ZNF407: variants seen among roughly 807,000 people sequenced by gnomAD.
ZNF407 encodes the protein zinc finger protein 407.
In ZNF407, 17 loss-of-function variants were observed where a neutral mutation model predicts 131.2. The observed-to-expected ratio is 0.13, with a 90% CI of 0.09 to 0.19. The LOEUF is 0.19. ZNF407 is among the 10% of genes least tolerant of loss of function. The pLI, the probability that ZNF407 is intolerant of heterozygous loss-of-function variation, is 1.00. For missense variants in ZNF407, 2,681 were observed against 2,830.6 expected, an observed-to-expected ratio of 0.95 and a Z score of 1.20; for synonymous variants, 1,156 against 1,062.0, an observed-to-expected ratio of 1.09 and a Z score of -1.72.
intron 7 of ZNF407, among the ~76,000 whole-genome samples, chr18:74,901,649 T>C (rs947593663): frequency 1.3e-5 from 2 of 149,574 alleles, no homozygotes; most frequent in Non-Finnish European, 3.0e-5. Flanking sequence ...GCCTAAGAAA[T>C]ATATGGACAA....
At chr18:75,024,591 A>G (rs79906300) in intron 8 of ZNF407, among the ~76,000 whole-genome samples, 337 of 152,322 alleles carry the variant, frequency 2.2e-3, no homozygotes, top group African/African-American at 7.7e-3. Context: ...TTAAAGGGTG[A>G]TGAATTTAAA....
intron 1 of ZNF407, among the ~76,000 whole-genome samples, chr18:74,612,637 T>A (rs1983113681): frequency 1.3e-5 from 2 of 152,192 alleles, no homozygotes; most frequent in African/African-American, 4.8e-5. Flanking sequence ...ACTGAGCACC[T>A]ACTGTGTGCC....
chr18:74,859,069 G>A (rs1289720356), intron 4 of ZNF407, among the ~76,000 whole-genome samples: 2 of 152,098 alleles, frequency 1.3e-5, no homozygotes, highest in African/African-American at 2.4e-5. Context: ...CGCAGTGTAC[G>A]GTTATGAAGT....
At chr18:74,909,588 A>T (rs1971641488) in intron 7 of ZNF407, among the ~76,000 whole-genome samples, 3 of 152,106 alleles carry the variant, frequency 2.0e-5, no homozygotes, top group Admixed American at 2.0e-4. Context: ...TTAAGTACAC[A>T]TTGTGAGTTT....
intron 1 of ZNF407, among the ~76,000 whole-genome samples, chr18:74,612,531 T>A (rs1015583489): frequency 2.6e-5 from 4 of 152,176 alleles, no homozygotes; most frequent in Non-Finnish European, 5.9e-5. Context: ...CTTGGAGGAA[T>A]GTGATAGAAC....
chr18:74,631,369 T>G lies in ZNF407; in HGVS notation c.350T>G (p.Leu117Arg). The change falls in exon 2 of 9, where the codon CTG becomes CGG. Residue 117 changes from leucine to arginine, a missense_variant. Physicochemically the swap from Leu to Arg is moderately radical, Grantham distance 102. This residue lies in a region of ZNF407 where 1,789 missense variants were observed against 1,748.7 expected (regional missense o/e 1.02). Coordinates refer to ENST00000299687, the MANE Select transcript of ZNF407 (RefSeq NM_017757.3). Reference protein sequence around the residue: ...ALDETGKETFLSDCTVGGTCL... With the variant: ...ALDETGKETFRSDCTVGGTCL... ...GATGAAACAGGGAAGGAGACCTTTC[T>G]GAGTGACTGCACAGTTGGAGGCACA... 1.2e-6 allele frequency: 2 copies of G among 1,614,032 alleles called. No individual in the cohort carries two copies. The highest frequency in any genetic ancestry group is 1.7e-6 in the Non-Finnish European group (2 of 1,179,890).
intron 3 of ZNF407, among the ~76,000 whole-genome samples, chr18:74,768,316 G>A (rs1193948654): frequency 6.6e-6 from 1 of 152,138 alleles, no homozygotes; most frequent in East Asian, 1.9e-4. Context: ...AGACAAGATT[G>A]GAAACAGGTG....
At chr18:74,976,746 G>A (rs1053588868) in intron 8 of ZNF407, among the ~76,000 whole-genome samples, 1 of 152,224 alleles carries the variant, frequency 6.6e-6, no homozygotes. Context: ...TCGGAGCACT[G>A]TGCTTTCACG....
chr18:74,897,280 A>C (rs1971465284), intron 7 of ZNF407, among the ~76,000 whole-genome samples: 1 of 152,230 alleles, frequency 6.6e-6, no homozygotes, highest in South Asian at 2.1e-4. Flanking sequence ...CATGTCTTTA[A>C]AAGAAAAAGA....
At chr18:74,622,288 C>G (rs1490441562) in intron 1 of ZNF407, among the ~76,000 whole-genome samples, 1 of 152,138 alleles carries the variant, frequency 6.6e-6, no homozygotes, top group Non-Finnish European at 1.5e-5. Context: ...ACCATAAGGG[C>G]AAGACACATT....
intron 3 of ZNF407, among the ~76,000 whole-genome samples, chr18:74,673,458 C>G (rs578099967): frequency 6.6e-6 from 1 of 152,162 alleles, no homozygotes; most frequent in Admixed American, 6.5e-5. Context: ...TCATAAGGAC[C>G]CTTGTGATTA....
chr18:74,776,067 T>C (rs537782304), intron 3 of ZNF407, among the ~76,000 whole-genome samples: 1 of 152,250 alleles, frequency 6.6e-6, no homozygotes, highest in South Asian at 2.1e-4. Flanking sequence ...ACCATATCAA[T>C]ACCTAATCCC....
intron 4 of ZNF407, among the ~76,000 whole-genome samples, chr18:74,866,934 G>A (rs1188963256): frequency 7.4e-6 from 1 of 134,534 alleles, no homozygotes; most frequent in Non-Finnish European, 1.5e-5. Context: ...GATCCCTAGA[G>A]CCCCTGTGTT....
At chr18:74,670,052 T>C (rs1052632655) in intron 3 of ZNF407, among the ~76,000 whole-genome samples, 1 of 152,240 alleles carries the variant, frequency 6.6e-6, no homozygotes. Context: ...TAGTCTGACA[T>C]GTAGTCTTTA....
chr18:74,727,562 G>A (rs532038725), intron 3 of ZNF407, among the ~76,000 whole-genome samples: 1 of 152,298 alleles, frequency 6.6e-6, no homozygotes, highest in East Asian at 1.9e-4. Context: ...CTCGAATGAA[G>A]TCTCCGAGTA....
At chr18:74,702,339 A>G (rs1363908654) in intron 3 of ZNF407, among the ~76,000 whole-genome samples, 3 of 152,190 alleles carry the variant, frequency 2.0e-5, no homozygotes, top group Non-Finnish European at 4.4e-5. Flanking sequence ...TACCCAAAAT[A>G]TATAATTTAA....
At chr18:75,017,716 G>A (rs1001239888) in intron 8 of ZNF407, among the ~76,000 whole-genome samples, 5 of 152,184 alleles carry the variant, frequency 3.3e-5, no homozygotes, top group Non-Finnish European at 7.3e-5. Flanking sequence ...TGTGGTCCAA[G>A]TAACTGTTTC....
At chr18:75,037,994 A>G (rs755109168) in intron 8 of ZNF407, among the ~76,000 whole-genome samples, 3 of 152,216 alleles carry the variant, frequency 2.0e-5, no homozygotes, top group Non-Finnish European at 4.4e-5. Context: ...ATCTCTCTTT[A>G]TAACTAAATA....
chr18:74,611,218 G>A (rs533457951), intron 1 of ZNF407, among the ~76,000 whole-genome samples: 1 of 152,308 alleles, frequency 6.6e-6, no homozygotes, highest in South Asian at 2.1e-4. Context: ...TATGACTCTG[G>A]TATAGGAAAG....
Sources: allele counts gnomAD v4.1 joint callset (sites outside exome capture counted in the v4.1 genomes callset), GRCh38; gene constraint gnomAD v4.1.1; regional missense constraint gnomAD v4.1.1; transcripts MANE v1.5; gene names NCBI Gene and HGNC (gene_info 2026-07-23, HGNC 2026-07-21).